EHBP1: variants seen among roughly 807,000 people sequenced by gnomAD.
EHBP1 encodes EH domain-binding protein 1.
EHBP1 carries 55 observed loss-of-function variants against 144.0 expected under a neutral mutation model. The observed-to-expected ratio is 0.38, with a 90% CI of 0.31 to 0.48. The LOEUF is 0.48. Among genes scored for constraint, EHBP1 ranks in the 20% least tolerant of loss-of-function variants. The probability of loss-of-function intolerance (pLI) is 0.98; values close to 1 mark genes in which losing one functional copy is unlikely to be tolerated. For missense variants in EHBP1, 1,200 were observed against 1,364.2 expected, an observed-to-expected ratio of 0.88 and a Z score of 1.90; for synonymous variants, 469 against 472.7, an observed-to-expected ratio of 0.99 and a Z score of 0.10.
At chr2:62,862,790 C>T (rs2049686152) in intron 8 of EHBP1, among the ~76,000 whole-genome samples, 1 of 152,126 alleles carries the variant, frequency 6.6e-6, no homozygotes, top group Admixed American at 6.5e-5. Flanking sequence ...ATTAAAATTA[C>T]TTTTAATGCA....
chr2:63,046,410 A>C lies in EHBP1; in HGVS notation c.*910A>C, dbSNP rs1018889502. 1 of 152,594 alleles carries C rather than the reference A, an allele frequency of 6.6e-6. No individual in the cohort carries two copies. The highest frequency in any genetic ancestry group is 1.5e-5 in the Non-Finnish European group (1 of 68,026). The allele number at this position is 152,594 out of a possible 1,614,324, so 9.5% of individuals were successfully genotyped here. A position where few individuals can be genotyped will look rare whatever the true frequency, so the allele number is the denominator to read the frequency against. The stretch of plus-strand genomic sequence containing the variant: ...TAGCATAGCACTGTCATTTTTTGTG[A>C]AAATGGTTATGTTTATTTATTACAA... On this transcript the variant is annotated 3_prime_UTR_variant, in exon 23 of 23. Transcript: ENST00000431489.
At position 62,874,387 on chromosome 2, in the gene EHBP1, A is replaced by G; in HGVS notation, c.1040A>G (p.Asn347Ser). 6.2e-7 allele frequency: 1 copy of G among 1,609,746 alleles called. No homozygotes were observed. Among genetic ancestry groups the G allele is most frequent in the South Asian group, 1.1e-5 (1 of 89,928 alleles). The part of the protein sequence containing the change: ...FYEPKSTPPP[N>S]NLVNPVQELE... ...GAACCTAAATCAACTCCTCCTCCAAATAATTTGGTAAATCCTGTTCAAGAA... is the reference window on the plus strand; with the variant it reads ...GAACCTAAATCAACTCCTCCTCCAAGTAATTTGGTAAATCCTGTTCAAGAA... Residue 347 changes from asparagine (N) to serine (S), a missense_variant, in exon 10 of 23, where the codon AAT becomes AGT. By Grantham distance (46) the Asn-to-Ser change is conservative (BLOSUM62 1). This residue lies in a region of EHBP1 where 266 missense variants were observed against 262.4 expected (regional missense o/e 1.01). Coordinates refer to ENST00000431489, the MANE Select transcript of EHBP1 (RefSeq NM_001142616.3).
chr2:62,924,018 C>T (rs1437342619), intron 10 of EHBP1, among the ~76,000 whole-genome samples: 1 of 152,150 alleles, frequency 6.6e-6, no homozygotes, highest in Middle Eastern at 3.2e-3. Flanking sequence ...AACCTAAGGC[C>T]AGCTGAACAG....
chr2:62,955,415 TA>T, intron 13 of EHBP1, 101 bp from the exon 14 acceptor site: 1 of 1,108,312 alleles, frequency 9.0e-7, no homozygotes, highest in Non-Finnish European at 1.3e-6. Context: ...ATCTTATTCA[TA>T]ATCTCTATTA....
At chr2:63,026,467 T>C (rs1365902330) in intron 19 of EHBP1, among the ~76,000 whole-genome samples, 1 of 152,218 alleles carries the variant, frequency 6.6e-6, no homozygotes, top group African/African-American at 2.4e-5. Flanking sequence ...TGAATTCATT[T>C]AGTCTTCACA....
chr2:62,979,435 T>C, intron 15 of EHBP1, 100 bp downstream of exon 15: 1 of 1,311,938 alleles, frequency 7.6e-7, no homozygotes. Flanking sequence ...GCTTCAAAAA[T>C]ATAAAGCTTC....
chr2:62,694,239 A>G (rs563632620), intron 1 of EHBP1, among the ~76,000 whole-genome samples: 2 of 152,362 alleles, frequency 1.3e-5, no homozygotes, highest in South Asian at 2.1e-4. Flanking sequence ...CATTGAAGTT[A>G]TCAACAATAT....
Position 62,859,201 on chromosome 2 carries a change from G to A in EHBP1, c.667G>A (p.Ala223Thr), listed in dbSNP as rs1466682595. The change falls in exon 8 of 23, where the codon GCA becomes ACA. Residue 223 changes from alanine (A) to threonine (T), a missense_variant. Coordinates refer to ENST00000431489, the MANE Select transcript of EHBP1 (RefSeq NM_001142616.3). Reference protein sequence around the residue: ...LINKLNFLDEAEKDLATVNSN... With the variant: ...LINKLNFLDETEKDLATVNSN... ...CAACAAACTTAACTTTTTGGATGAA[G>A]CAGAAAAGGACTTGGCCACCGTGAA... 9.9e-6 allele frequency: 16 copies of A among 1,611,532 alleles called. No individual in the cohort carries two copies. Among genetic ancestry groups the A allele is most frequent in the Non-Finnish European group, 1.3e-5 (15 of 1,178,486 alleles).
chr2:62,922,701 G>A (rs551372155), intron 10 of EHBP1, among the ~76,000 whole-genome samples: 1 of 152,298 alleles, frequency 6.6e-6, no homozygotes, highest in Non-Finnish European at 1.5e-5. Context: ...GTCAAAGAAA[G>A]AGCAGTGGAG....
At chr2:63,041,976 C>T (rs936754371) in intron 21 of EHBP1, among the ~76,000 whole-genome samples, 4 of 151,958 alleles carry the variant, frequency 2.6e-5, no homozygotes, top group African/African-American at 4.8e-5. Context: ...AATAATTGGC[C>T]CTATATATAA....
intron 15 of EHBP1, among the ~76,000 whole-genome samples, chr2:62,986,986 G>GA (rs1199479441): frequency 6.6e-6 from 1 of 151,626 alleles, no homozygotes; most frequent in East Asian, 1.9e-4. Context: ...TTGCCCAATT[G>GA]AAAAAAAATG....
In EHBP1 at chr2:62,865,614, TG is replaced by T. The variant is rs2049976512; in HGVS notation, c.998+646del. Among the ~76,000 whole-genome samples, 4 of 152,302 alleles carry T rather than the reference TG, an allele frequency of 2.6e-5. No individual in the cohort carries two copies. In the South Asian group the frequency reaches 8.3e-4, roughly 32 times the overall value. On this transcript the variant is annotated intron_variant, in intron 9 of 22. Transcript: ENST00000431489. ...GCAAAACCTCCACTTCCAGTCATGA[TG>T]GGATAACACAGACTGGATTTAGCCT...
chr2:62,865,796 A>G (rs2049988942), intron 9 of EHBP1, among the ~76,000 whole-genome samples: 1 of 152,200 alleles, frequency 6.6e-6, no homozygotes. Flanking sequence ...TTCTAAATGC[A>G]GTTCAGAGAG....
chr2:63,017,080 GGA>G (rs1357822758), intron 19 of EHBP1, among the ~76,000 whole-genome samples: 5 of 152,152 alleles, frequency 3.3e-5, no homozygotes, highest in African/African-American at 4.8e-5. Flanking sequence ...TTCACAGCTG[GGA>G]CCCTCAGTTT....
chr2:62,794,709 C>T (rs1241988604), intron 5 of EHBP1, among the ~76,000 whole-genome samples: 1 of 151,888 alleles, frequency 6.6e-6, no homozygotes, highest in Non-Finnish European at 1.5e-5. Context: ...CTTCTTTAAA[C>T]TTTTTATCAT....
intron 10 of EHBP1, among the ~76,000 whole-genome samples, chr2:62,894,132 GC>G (rs1012807959): frequency 5.9e-5 from 9 of 151,734 alleles, no homozygotes; most frequent in African/African-American, 2.2e-4. Context: ...TATTTATGTA[GC>G]CCCTACTATG....
intron 19 of EHBP1, among the ~76,000 whole-genome samples, chr2:63,019,818 G>A (rs2060634916): frequency 8.6e-6 from 1 of 115,840 alleles, no homozygotes; most frequent in African/African-American, 3.5e-5. Context: ...GATAGGGAAG[G>A]GAAGAGGGGG....
intron 7 of EHBP1, among the ~76,000 whole-genome samples, chr2:62,835,505 G>A (rs1023144672): frequency 6.6e-6 from 1 of 152,218 alleles, no homozygotes; most frequent in Non-Finnish European, 1.5e-5. Flanking sequence ...TGGCCGAATA[G>A]GAACAGCTCC....
intron 2 of EHBP1, among the ~76,000 whole-genome samples, chr2:62,708,340 G>C (rs1457943382): frequency 1.3e-5 from 2 of 152,178 alleles, no homozygotes; most frequent in East Asian, 3.8e-4. Flanking sequence ...TGTGGATTTA[G>C]AGTAGAATAC....
Sources: allele counts gnomAD v4.1 joint callset (sites outside exome capture counted in the v4.1 genomes callset), GRCh38; gene constraint gnomAD v4.1.1; regional missense constraint gnomAD v4.1.1; transcripts MANE v1.5; gene names NCBI Gene and HGNC (gene_info 2026-07-23, HGNC 2026-07-21).